Variants in FCGR2A observed in about 807,000 individuals in gnomAD.
FCGR2A encodes Fc gamma receptor IIa.
In FCGR2A, 18 loss-of-function variants were observed where a neutral mutation model predicts 29.3. The ratio of observed to expected loss-of-function variants is 0.62; its 90% CI spans 0.43 to 0.91. The LOEUF (loss-of-function observed/expected upper bound fraction) is 0.91. Ranked by LOEUF, FCGR2A falls within the 40% of genes least tolerant of loss-of-function variation. FCGR2A has a pLI of 0.00. For synonymous variants in FCGR2A, 126 were observed against 144.8 expected, an observed-to-expected ratio of 0.87 and a Z score of 0.93; for missense variants, 287 against 393.0, an observed-to-expected ratio of 0.73 and a Z score of 2.28.
At chr1:161,510,358 G>T in intron 4 of FCGR2A, 1 of 656,054 alleles carries the variant, frequency 1.5e-6, no homozygotes, top group East Asian at 2.9e-5. Context: ...CATTGATGCA[G>T]AGGTTCCCTA....
chr1:161,512,548 G>A (rs1290824162), intron 5 of FCGR2A, among the ~76,000 whole-genome samples: 3 of 150,134 alleles, frequency 2.0e-5, no homozygotes, highest in Non-Finnish European at 4.5e-5. Context: ...AGGCCTTCTA[G>A]GTCTGACATT....
chr1:161,508,898 C>T (rs539975192), intron 3 of FCGR2A, among the ~76,000 whole-genome samples: 88 of 152,242 alleles, frequency 5.8e-4, no homozygotes, highest in South Asian at 2.7e-3. Flanking sequence ...ACTGAATTCA[C>T]CTGTGTGAAT....
At chr1:161,511,159 G>A (rs545121811) in intron 5 of FCGR2A, among the ~76,000 whole-genome samples, 1 of 152,352 alleles carries the variant, frequency 6.6e-6, no homozygotes, top group African/African-American at 2.4e-5. Context: ...GGGGATGAAA[G>A]AGGCTGATGC....
intron 4 of FCGR2A, 23 bp downstream of exon 4, chr1:161,510,097 T>C (rs769130420): frequency 8.1e-6 from 13 of 1,611,714 alleles, no homozygotes; most frequent in Admixed American, 3.3e-5. Flanking sequence ...TGCCAAGATG[T>C]AGGGAGGGGA....
intron 5 of FCGR2A, among the ~76,000 whole-genome samples, chr1:161,511,777 G>T (rs11590749): frequency 0.1 from 15,964 of 152,200 alleles, 1,080 homozygotes; most frequent in East Asian, 0.27. Context: ...TCTCCCAGGA[G>T]ACCCTGAGTG....
downstream of FCGR2A, chr1:161,522,990 G>T (rs1294313546): frequency 2.0e-5 from 3 of 152,074 alleles, no homozygotes; most frequent in Admixed American, 6.6e-5. Context: ...ATGGAGTAAG[G>T]GTTTTTAGTT....
In FCGR2A at chr1:161,518,092, G is replaced by C; in HGVS notation, c.898G>C (p.Asp300His). The C allele has an allele frequency of 6.2e-7, 1 of 1,613,798 alleles. No individual in the cohort carries two copies. Among genetic ancestry groups the C allele is most frequent in the Non-Finnish European group, 8.5e-7 (1 of 1,179,844 alleles). ...TLNPRAPTDD[D>H]KNIYLTLPPN... ...GAACCCCAGGGCACCTACTGACGAT[G>C]ATAAAAACATCTACCTGACTCTTCC... The change falls in exon 7 of 7, where the codon GAT becomes CAT. Residue 300 changes from aspartate (D) to histidine (H), a missense_variant. Coordinates refer to ENST00000271450, the MANE Select transcript of FCGR2A (RefSeq NM_001136219.3).
At chr1:161,513,781 G>A in intron 5 of FCGR2A, 114 bp from the exon 6 acceptor site, 3 of 1,463,898 alleles carry the variant, frequency 2.0e-6, no homozygotes, top group African/African-American at 2.8e-5. Context: ...ACTGTGTCAA[G>A]GGGTCAGCAG....
At chr1:161,521,835 A>G (rs572270376), downstream of FCGR2A, among the ~76,000 whole-genome samples, 260 of 152,212 alleles carry the variant, frequency 1.7e-3, 4 homozygotes, top group Non-Finnish European at 7.6e-4. Context: ...TTTCTTTTGT[A>G]AATTGCCCCG....
chr1:161,505,761 A>G, intron 1 of FCGR2A: 1 of 711,292 alleles, frequency 1.4e-6, no homozygotes, highest in Non-Finnish European at 2.5e-6. Context: ...TCCATTCTGC[A>G]CCAAACATTC....
intron 3 of FCGR2A, among the ~76,000 whole-genome samples, chr1:161,507,293 T>C (rs1222657680): frequency 6.6e-6 from 1 of 152,174 alleles, no homozygotes; most frequent in East Asian, 1.9e-4. Flanking sequence ...GACTTGTTTT[T>C]ATTTATTTTT....
At chr1:161,521,688 T>C (rs1811422), downstream of FCGR2A, among the ~76,000 whole-genome samples, 99,554 of 150,744 alleles carry the variant, frequency 0.66, 32,943 homozygotes, top group East Asian at 0.85. Flanking sequence ...TCATGAGATC[T>C]GATGGTTTTA....
chr1:161,510,450 T>G, intron 4 of FCGR2A: 1 of 472,974 alleles, frequency 2.1e-6, no homozygotes, highest in South Asian at 2.1e-5. Context: ...CCAGAAAGCC[T>G]GGCACGTCAT....
chr1:161,521,984 T>C (rs1432413960), downstream of FCGR2A, among the ~76,000 whole-genome samples: 1 of 152,096 alleles, frequency 6.6e-6, no homozygotes, highest in African/African-American at 2.4e-5. Context: ...GTCGGTTCTA[T>C]TTTTAAAGCT....
chr1:161,521,573 G>A (rs515704), downstream of FCGR2A, among the ~76,000 whole-genome samples: 136 of 152,082 alleles, frequency 8.9e-4, 3 homozygotes, highest in Middle Eastern at 3.4e-3. Context: ...GTCCCCACCC[G>A]AATATCATCT....
In FCGR2A at chr1:161,519,723, C is replaced by A. The variant is rs544308511; in HGVS notation, c.*1575C>A. ...AGATTTGGAGTGTAGGGTGAGTGCC[C>A]CTCTTCTTAGAACTGAATACTCTTC... On this transcript the variant is annotated 3_prime_UTR_variant, in exon 7 of 7. Coordinates refer to ENST00000271450, the MANE Select transcript of FCGR2A (RefSeq NM_001136219.3). 3.3e-5 allele frequency: 5 copies of A among 151,966 alleles called. No homozygotes were observed. Among genetic ancestry groups the A allele is most frequent in the Non-Finnish European group, 5.9e-5 (4 of 67,966 alleles). 9.4% of individuals were successfully genotyped at this position (151,966 alleles called of 1,614,324 possible).
downstream of FCGR2A, chr1:161,520,125 C>T (rs1287564335): frequency 1.3e-5 from 2 of 151,988 alleles, no homozygotes; most frequent in African/African-American, 2.4e-5. Context: ...GAGCTTCCAC[C>T]CACCCTTCCA....
intron 3 of FCGR2A, chr1:161,506,834 C>T (rs1192383143): frequency 1.3e-6 from 1 of 744,322 alleles, no homozygotes; most frequent in East Asian, 2.8e-5. Context: ...CTTGATTGAG[C>T]AAGGGGGTTA....
At position 161,513,928 on chromosome 1, in the gene FCGR2A, T is replaced by C. The variant is rs759109384; in HGVS notation, c.776T>C (p.Phe259Ser). The C allele has an allele frequency of 1.2e-5, 19 of 1,614,244 alleles. No homozygotes were observed. The highest frequency in any genetic ancestry group is 1.5e-5 in the Non-Finnish European group (18 of 1,180,046). ...ACTGATCCTGTGAAGGCTGCCCAAT[T>C]TGAGGTGAGTAATCCCAGCCATCTC... is the stretch of plus-strand genomic sequence containing the variant. ...NSTDPVKAAQ[F>S]EPPGRQMIAI... The change falls in exon 6 of 7, where the codon TTT (phenylalanine) becomes TCT (serine). Residue 259 changes from phenylalanine (F) to serine (S), a missense_variant. Coordinates refer to ENST00000271450, the MANE Select transcript of FCGR2A (RefSeq NM_001136219.3).
Sources: allele counts gnomAD v4.1 joint callset (sites outside exome capture counted in the v4.1 genomes callset), GRCh38; gene constraint gnomAD v4.1.1; transcripts MANE v1.5; gene names NCBI Gene and HGNC (gene_info 2026-07-23, HGNC 2026-07-21).